SLC18A1: variants seen among roughly 807,000 people sequenced by gnomAD.
SLC18A1 encodes the protein chromaffin granule amine transporter.
A neutral mutation model predicts 53.7 loss-of-function variants in SLC18A1; 69 were observed. That is an observed-to-expected ratio of 1.28 (90% CI 1.06 to 1.57). The LOEUF is 1.57. Among genes scored for constraint, SLC18A1 ranks in the 40% most tolerant of loss-of-function variants. SLC18A1 has a pLI of 0.00. For synonymous variants in SLC18A1, 320 were observed against 248.1 expected, an observed-to-expected ratio of 1.29 and a Z score of -2.72; for missense variants, 932 against 668.1, an observed-to-expected ratio of 1.40 and a Z score of -4.35.
intron 10 of SLC18A1, among the ~76,000 whole-genome samples, chr8:20,163,822 G>GT (rs2071887979): frequency 6.6e-6 from 1 of 152,284 alleles, no homozygotes; most frequent in African/African-American, 2.4e-5. Context: ...TGGCAACTGA[G>GT]TGACTGGTAA....
At chr8:20,166,321 A>ATATATATATATG (rs2071961923) in intron 8 of SLC18A1, among the ~76,000 whole-genome samples, 1 of 97,122 alleles carries the variant, frequency 1.0e-5, no homozygotes, top group Non-Finnish European at 2.0e-5. Flanking sequence ...ATATATATAT[A>ATATATATATATG]TATATATATA....
chr8:20,152,664 G>T (rs2071587478), intron 10 of SLC18A1, among the ~76,000 whole-genome samples: 1 of 152,188 alleles, frequency 6.6e-6, no homozygotes, highest in Non-Finnish European at 1.5e-5. Context: ...GAGCTGTCAG[G>T]CAGTTAGATA....
chr8:20,157,249 G>C (rs1199666717), intron 10 of SLC18A1, among the ~76,000 whole-genome samples: 1 of 152,172 alleles, frequency 6.6e-6, no homozygotes, highest in Non-Finnish European at 1.5e-5. Context: ...GTATTCTGGA[G>C]AGATATAATG....
At chr8:20,179,054 C>T (rs868012907) in intron 3 of SLC18A1, 67 bp downstream of exon 3, 2 of 1,518,248 alleles carry the variant, frequency 1.3e-6, no homozygotes, top group Non-Finnish European at 1.8e-6. Context: ...CTTCCAACCC[C>T]CTTTCTATAC....
intron 8 of SLC18A1, 49 bp from the exon 9 acceptor site, chr8:20,165,156 TCTC>T: frequency 6.8e-7 from 1 of 1,469,042 alleles, no homozygotes; most frequent in Non-Finnish European, 9.5e-7. Context: ...TGCATACATC[TCTC>T]CTATTTTCAC....
At chr8:20,147,757 A>G (rs750295528) in intron 13 of SLC18A1, 35 bp from the exon 14 acceptor site, 2 of 1,583,814 alleles carry the variant, frequency 1.3e-6, no homozygotes, top group South Asian at 2.3e-5. Flanking sequence ...AGTCAGCCCC[A>G]CCCACAGTTA....
At chr8:20,164,066 A>T (rs1167553873) in intron 10 of SLC18A1, among the ~76,000 whole-genome samples, 1 of 152,126 alleles carries the variant, frequency 6.6e-6, no homozygotes, top group Non-Finnish European at 1.5e-5. Context: ...TCTTGCTTAG[A>T]ATTGCCCCCC....
chr8:20,181,230 C>G (rs2128881358), intron 1 of SLC18A1, 143 bp from the exon 2 acceptor site: 2 of 314,696 alleles, frequency 6.4e-6, no homozygotes, highest in East Asian at 1.3e-4. Context: ...GCATCGCTTA[C>G]TAGCTATTTA....
In SLC18A1 at chr8:20,162,211, C is replaced by T. The variant is rs576991362; in HGVS notation, c.1015+2658G>A. Among the ~76,000 whole-genome samples the T allele has an allele frequency of 4.6e-5, 7 of 152,270 alleles. No individual in the cohort carries two copies. In the East Asian group the frequency reaches 9.7e-4, roughly 21 times the overall value. On this transcript the variant is annotated intron_variant, in intron 10 of 15. Transcript: ENST00000276373. ...AGGGTGTCCCAGGCTTATTCCCAAA[C>T]CATTCTGCCCTCCTACATCTCTGGG... is the stretch of plus-strand genomic sequence containing the variant.
intron 1 of SLC18A1, among the ~76,000 whole-genome samples, chr8:20,181,292 A>T (rs935081168): frequency 2.6e-5 from 4 of 152,214 alleles, no homozygotes; most frequent in Non-Finnish European, 5.9e-5. Context: ...ATGGCTAGGT[A>T]TAAATCCAGA....
At chr8:20,163,378 T>G (rs150386245) in intron 10 of SLC18A1, among the ~76,000 whole-genome samples, 2,854 of 152,264 alleles carry the variant, frequency 0.019, 42 homozygotes, top group Non-Finnish European at 0.03. Flanking sequence ...TCACACCATA[T>G]CAGAGGTCAA....
At chr8:20,170,338 G>A (rs911353074) in intron 8 of SLC18A1, among the ~76,000 whole-genome samples, 6 of 152,150 alleles carry the variant, frequency 3.9e-5, no homozygotes, top group Non-Finnish European at 7.4e-5. Flanking sequence ...CTTATTTCAT[G>A]GAATGTGTAA....
intron 4 of SLC18A1, chr8:20,175,692 C>T (rs1435824738): frequency 6.6e-6 from 1 of 152,126 alleles, no homozygotes; most frequent in East Asian, 1.9e-4. Context: ...AAAAATGTCT[C>T]CTAGGGTAAG....
chr8:20,149,856 TC>T (rs1184636710), intron 11 of SLC18A1, 129 bp from the exon 12 acceptor site: 3 of 772,932 alleles, frequency 3.9e-6, no homozygotes, highest in African/African-American at 1.7e-5. Flanking sequence ...GAGGACAGCA[TC>T]CCTACATGAC....
At chr8:20,148,561 G>T in intron 12 of SLC18A1, 1 of 947,588 alleles carries the variant, frequency 1.1e-6, no homozygotes, top group Non-Finnish European at 1.5e-6. Context: ...CAACCAGTTA[G>T]CTGTAAGCTA....
chr8:20,150,360 A>T (rs1310907505), intron 11 of SLC18A1, among the ~76,000 whole-genome samples: 1 of 152,212 alleles, frequency 6.6e-6, no homozygotes, highest in Non-Finnish European at 1.5e-5. Flanking sequence ...TGCATTTTTC[A>T]TAGCTGTTCT....
Position 20,166,287 on chromosome 8 carries a change from G to GTGTATATATA in SLC18A1, c.859-1181_859-1180insTATATATACA, listed in dbSNP as rs1235212014. On this transcript the variant is annotated intron_variant, in intron 8 of 15. Transcript: ENST00000276373. ...CAAAATTGTGTGTGGGTGTGTGTGT[G>GTGTATATATA]TCTATATATATATATATATATATAT... Among the ~76,000 whole-genome samples the GTGTATATATA allele has an allele frequency of 1.2e-3, 96 of 78,978 alleles. 8 individuals are homozygous for GTGTATATATA. Among genetic ancestry groups the GTGTATATATA allele is most frequent in the African/African-American group, 1.7e-3 (31 of 18,204 alleles). 51.8% of individuals were successfully genotyped at this position (78,978 alleles called of 152,430 possible). A position where few individuals can be genotyped will look rare whatever the true frequency, so the allele number is the denominator to read the frequency against.
chr8:20,172,709 A>T (rs574425300), intron 6 of SLC18A1, among the ~76,000 whole-genome samples: 19 of 152,264 alleles, frequency 1.2e-4, no homozygotes, highest in South Asian at 1.2e-3. Flanking sequence ...AAAAGAGATT[A>T]TGCGTGTAAC....
intron 10 of SLC18A1, among the ~76,000 whole-genome samples, chr8:20,153,166 A>G (rs746862854): frequency 7.9e-5 from 12 of 152,198 alleles, no homozygotes; most frequent in Non-Finnish European, 1.8e-4. Context: ...TGTGAAACCC[A>G]CTTTAGGTTT....
Sources: allele counts gnomAD v4.1 joint callset (sites outside exome capture counted in the v4.1 genomes callset), GRCh38; gene constraint gnomAD v4.1.1; transcripts MANE v1.5; gene names NCBI Gene and HGNC (gene_info 2026-07-23, HGNC 2026-07-21).